Variants in LRRC69 observed in about 807,000 individuals in gnomAD.
The protein encoded by LRRC69 is leucine rich repeat containing 69.
A neutral mutation model predicts 37.8 loss-of-function variants in LRRC69; 42 were observed. That is an observed-to-expected ratio of 1.11 (90% CI 0.87 to 1.44). LRRC69 has a LOEUF of 1.44. Ranked by LOEUF, LRRC69 falls within the 40% of genes most tolerant of loss-of-function variation. The pLI, the probability that LRRC69 is intolerant of heterozygous loss-of-function variation, is 0.00. For missense variants in LRRC69, 357 were observed against 401.9 expected, an observed-to-expected ratio of 0.89 and a Z score of 0.96; for synonymous variants, 141 against 143.1, an observed-to-expected ratio of 0.99 and a Z score of 0.11.
intron 5 of LRRC69, among the ~76,000 whole-genome samples, chr8:91,166,131 T>C (rs1809023773): frequency 6.6e-6 from 1 of 151,816 alleles, no homozygotes; most frequent in Non-Finnish European, 1.5e-5. Flanking sequence ...TTAATTCCTT[T>C]ATCTAAAAAA....
chr8:91,113,056 A>C (rs956329242), intron 1 of LRRC69, among the ~76,000 whole-genome samples: 1 of 152,026 alleles, frequency 6.6e-6, no homozygotes. Flanking sequence ...ACATTAATAA[A>C]GGAAGTTGAA....
chr8:91,151,849 G>A (rs1808743922), intron 5 of LRRC69, among the ~76,000 whole-genome samples: 1 of 151,194 alleles, frequency 6.6e-6, no homozygotes, highest in African/African-American at 2.4e-5. Flanking sequence ...GACTTTTGTG[G>A]GATGGTATCT....
intron 5 of LRRC69, among the ~76,000 whole-genome samples, chr8:91,169,610 C>T (rs560160811): frequency 4.7e-5 from 7 of 148,272 alleles, no homozygotes; most frequent in South Asian, 2.1e-4. Flanking sequence ...CATGCTGGTG[C>T]GCTGCACCCA....
chr8:91,203,807 C>A (rs1290322066), intron 7 of LRRC69, among the ~76,000 whole-genome samples: 1 of 151,946 alleles, frequency 6.6e-6, no homozygotes, highest in Non-Finnish European at 1.5e-5. Context: ...GCAGTAGGAT[C>A]CTGAGCATCC....
intron 5 of LRRC69, among the ~76,000 whole-genome samples, chr8:91,163,182 A>T (rs1039851586): frequency 1.3e-5 from 2 of 151,458 alleles, no homozygotes; most frequent in East Asian, 3.9e-4. Flanking sequence ...CTACTCTATG[A>T]CATCAAATTT....
intron 5 of LRRC69, among the ~76,000 whole-genome samples, chr8:91,168,657 T>G (rs1282588259): frequency 1.3e-5 from 2 of 151,876 alleles, no homozygotes; most frequent in Non-Finnish European, 2.9e-5. Context: ...GCCTTACTAC[T>G]CCTGGCCTGC....
chr8:91,151,323 C>T (rs1284776019), intron 5 of LRRC69, among the ~76,000 whole-genome samples: 2 of 151,656 alleles, frequency 1.3e-5, no homozygotes, highest in Non-Finnish European at 2.9e-5. Context: ...ATCTTTATTT[C>T]TGCCTTCGTT....
At chr8:91,166,709 T>G (rs994313016) in intron 5 of LRRC69, among the ~76,000 whole-genome samples, 5 of 151,766 alleles carry the variant, frequency 3.3e-5, no homozygotes, top group African/African-American at 1.2e-4. Context: ...GGGATACATA[T>G]ACAATTGTTA....
intron 7 of LRRC69, among the ~76,000 whole-genome samples, chr8:91,212,089 T>C (rs1239452396): frequency 6.6e-6 from 1 of 152,170 alleles, no homozygotes; most frequent in Admixed American, 6.6e-5. Flanking sequence ...AATTAGTCCT[T>C]AGCAATTACA....
chr8:91,207,013 A>G (rs1809817246), intron 7 of LRRC69, among the ~76,000 whole-genome samples: 1 of 152,190 alleles, frequency 6.6e-6, no homozygotes, highest in Non-Finnish European at 1.5e-5. Context: ...TATGTTAAAG[A>G]TCCTTCTTCT....
chr8:91,198,039 A>G (rs562949540), intron 6 of LRRC69, among the ~76,000 whole-genome samples: 18 of 152,290 alleles, frequency 1.2e-4, no homozygotes, highest in African/African-American at 1.9e-4. Flanking sequence ...CATTTAGTCA[A>G]TGTTACTGAT....
rs34806474 is a variant in LRRC69 at position 91,113,972 on chromosome 8, C to CA, written c.184-10499dup. On this transcript the variant is annotated intron_variant, in intron 1 of 7. Coordinates refer to ENST00000448384, the Ensembl canonical transcript of LRRC69. ...CTCCACAACATTGCGAGACTTGTCT[C>CA]AAAAAAAAAAAAAAAAAAAAAAGGT... is the stretch of plus-strand genomic sequence containing the variant. Among the ~76,000 whole-genome samples, 305 of 60,312 alleles carry CA rather than the reference C, an allele frequency of 5.1e-3. 12 individuals are homozygous for CA. The highest frequency in any genetic ancestry group is 0.01 in the East Asian group (14 of 1,390). 39.6% of individuals were successfully genotyped at this position (60,312 alleles called of 152,430 possible).
At chr8:91,123,423 A>T (rs1189064135) in intron 1 of LRRC69, among the ~76,000 whole-genome samples, 1 of 152,090 alleles carries the variant, frequency 6.6e-6, no homozygotes, top group African/African-American at 2.4e-5. Context: ...ACAAAAGCAC[A>T]TATGCAAGTA....
chr8:91,124,633 C>T lies in LRRC69; in HGVS notation c.310+14C>T, dbSNP rs183077605. On this transcript the variant is annotated intron_variant, in intron 2 of 7. Coordinates refer to ENST00000448384, the Ensembl canonical transcript of LRRC69. The stretch of plus-strand genomic sequence containing the variant: ...CTGGAGCCTGTGGTAATTTAATCAA[C>T]AAGGAACAACATTATAGCATCAAAT... The T allele has an allele frequency of 9.8e-5, 149 of 1,519,724 alleles. No homozygotes were observed. The highest frequency in any genetic ancestry group is 1.2e-4 in the Non-Finnish European group (141 of 1,135,228). 94.1% of individuals were successfully genotyped at this position (1,519,724 alleles called of 1,614,324 possible).
At chr8:91,156,316 T>C (rs13248502) in intron 5 of LRRC69, among the ~76,000 whole-genome samples, 7,924 of 151,124 alleles carry the variant, frequency 0.052, 300 homozygotes, top group Middle Eastern at 0.16. Flanking sequence ...TTTTCCTGGA[T>C]GATTAGTGAT....
intron 6 of LRRC69, among the ~76,000 whole-genome samples, chr8:91,194,524 A>C (rs894214727): frequency 2.6e-5 from 4 of 151,678 alleles, no homozygotes; most frequent in Admixed American, 6.6e-5. Flanking sequence ...ACAATTTCAG[A>C]TCCTGTTATT....
chr8:91,104,317 A>T (rs1281031445), intron 1 of LRRC69, among the ~76,000 whole-genome samples: 2 of 151,934 alleles, frequency 1.3e-5, no homozygotes, highest in Non-Finnish European at 2.9e-5. Flanking sequence ...TTTTACTTTT[A>T]TAACACTTAC....
chr8:91,219,027 T>C (rs552000833), downstream of LRRC69: 10 of 1,301,650 alleles, frequency 7.7e-6, no homozygotes, highest in Non-Finnish European at 1.1e-5. Flanking sequence ...ATTCATAGCC[T>C]CACTCCACTT....
chr8:91,186,376 G>C (rs1182067487), intron 5 of LRRC69, among the ~76,000 whole-genome samples: 1 of 152,176 alleles, frequency 6.6e-6, no homozygotes, highest in Admixed American at 6.5e-5. Context: ...AGAGGCTGGA[G>C]AAGCTTAGAG....
Sources: gnomAD v4.1 joint callset for allele counts (sites outside exome capture counted in the v4.1 genomes callset) on GRCh38, gnomAD v4.1.1 for gene constraint, MANE v1.5 for transcripts, NCBI Gene and HGNC (gene_info 2026-07-23, HGNC 2026-07-21) for gene names.